The following ZNF76 variants were observed in gnomAD, a reference collection of about 807,000 sequenced individuals.
ZNF76 encodes zinc finger protein 76.
ZNF76 carries 66 observed loss-of-function variants against 66.9 expected under a neutral mutation model. That is an observed-to-expected ratio of 0.99 (90% CI 0.81 to 1.21). The LOEUF (loss-of-function observed/expected upper bound fraction) is 1.21, where lower values mean the gene tolerates loss of function less well. Among genes scored for constraint, ZNF76 ranks in the 50% most tolerant of loss-of-function variants. The pLI is 0.00. For missense variants in ZNF76, 729 were observed against 760.3 expected, an observed-to-expected ratio of 0.96 and a Z score of 0.48; for synonymous variants, 275 against 296.1, an observed-to-expected ratio of 0.93 and a Z score of 0.73.
rs536477063 is a variant in ZNF76, at chr6:35,261,261, G to C, written c.-97+1420G>C. Among the ~76,000 whole-genome samples the C allele has an allele frequency of 5.3e-5, 8 of 152,252 alleles. No homozygotes were observed. In the South Asian group the frequency reaches 1.7e-3, roughly 32 times the overall value. The stretch of plus-strand genomic sequence containing the variant: ...GGATCTTACTCTGTCCTGAGTGCTA[G>C]GGATTTAACAGACTGAACATGTGGC... On this transcript the variant is annotated intron_variant, in intron 1 of 13. Transcript: ENST00000373953.
At chr6:35,275,222 A>AG (rs1787709115) in intron 1 of ZNF76, among the ~76,000 whole-genome samples, 1 of 151,942 alleles carries the variant, frequency 6.6e-6, no homozygotes, top group Non-Finnish European at 1.5e-5. Context: ...GAGAGTCAAG[A>AG]GTGCTCCCTT....
intron 1 of ZNF76, among the ~76,000 whole-genome samples, chr6:35,274,613 C>T (rs903201872): frequency 6.6e-6 from 1 of 152,144 alleles, no homozygotes; most frequent in African/African-American, 2.4e-5. Flanking sequence ...TAGTCCCAGC[C>T]ACTCAGGAGG....
intron 1 of ZNF76, among the ~76,000 whole-genome samples, chr6:35,280,321 A>G (rs1391444857): frequency 6.6e-6 from 1 of 152,220 alleles, no homozygotes; most frequent in Non-Finnish European, 1.5e-5. Context: ...TGATGGAGCC[A>G]CTGCACTCCA....
chr6:35,287,660 A>T lies in ZNF76; in HGVS notation c.247A>T (p.Ser83Cys). The T allele has an allele frequency of 6.2e-7, 1 of 1,612,738 alleles. No homozygotes were observed. Among genetic ancestry groups the T allele is most frequent in the South Asian group, 1.1e-5 (1 of 90,890 alleles). Residue 83 changes from serine to cysteine, a missense_variant, in exon 5 of 14, where the codon AGC (serine) becomes TGC (cysteine). Physicochemically the swap from Ser to Cys is moderately radical, Grantham distance 112. Transcript: ENST00000373953. This position sits in a 1 kb window ranked among gnomAD's most constrained non-coding sequence, Gnocchi z 4.0. ...HRTPREGYDP[S>C]TLEAVQLEDG... ...GTTCCCTGCAGAAGGCTATGACCCC[A>T]GCACCCTGGAAGCCGTCCAACTGGA... is the stretch of plus-strand genomic sequence containing the variant.
chr6:35,290,698 G>A lies in ZNF76; in HGVS notation c.607G>A (p.Gly203Arg), dbSNP rs1251675617. 6.2e-7 allele frequency: 1 copy of A among 1,614,204 alleles called. No homozygotes were observed. The highest frequency in any genetic ancestry group is 1.1e-5 in the South Asian group (1 of 91,076). ...RPYRCDFPSC[G>R]KAFATGYGLK... ...ATACAGATGTGACTTCCCCAGCTGT[G>A]GAAAGGCCTTTGCCACAGGTAACCT... The change falls in exon 7 of 14, where the codon GGA (glycine) becomes AGA (arginine). Residue 203 changes from glycine to arginine, a missense_variant. Physicochemically the swap from Gly to Arg is moderately radical, Grantham distance 125 (BLOSUM62 -2). Transcript: ENST00000373953.
intron 1 of ZNF76, among the ~76,000 whole-genome samples, chr6:35,274,330 C>T (rs960824050): frequency 1.3e-5 from 2 of 152,216 alleles, no homozygotes; most frequent in Admixed American, 6.5e-5. Context: ...TACAGAAAGC[C>T]TTGTTCCAAC....
chr6:35,292,939 G>A lies in ZNF76; in HGVS notation c.1224G>A (p.Ser408=), dbSNP rs759624518. ...PPKRPRIAYL[S]EVKEERDDIP... ...AACGACCCCGGATAGCTTACCTTTC[G>A]GAGGTGAAGGAAGAGAGAGATGACA... The change falls in exon 11 of 14, where the codon TCG becomes TCA. Residue 408 remains serine (S), a synonymous_variant. Transcript: ENST00000373953. This position sits in a 1 kb window ranked among gnomAD's most constrained non-coding sequence, Gnocchi z 4.7. 37 of 1,614,196 alleles carry A rather than the reference G, an allele frequency of 2.3e-5. No individual in the cohort carries two copies. The highest frequency in any genetic ancestry group is 2.1e-5 in the Non-Finnish European group (25 of 1,180,038).
At chr6:35,294,366 C>T (rs1790874553) in intron 12 of ZNF76, 90 bp from the exon 13 acceptor site, 1 of 907,110 alleles carries the variant, frequency 1.1e-6, no homozygotes, top group Non-Finnish European at 1.8e-6. Flanking sequence ...TGGGTTGTTC[C>T]CAGCACCTTA....
chr6:35,290,507 A>T, intron 6 of ZNF76, 125 bp downstream of exon 6: 1 of 1,525,350 alleles, frequency 6.6e-7, no homozygotes, highest in African/African-American at 1.4e-5. Context: ...ATGAGGGTAC[A>T]CAGGAATGCC....
chr6:35,294,756 G>T, intron 13 of ZNF76, 187 bp downstream of exon 13: 1 of 648,402 alleles, frequency 1.5e-6, no homozygotes, highest in Non-Finnish European at 2.8e-6. Flanking sequence ...GAGGCAGAAT[G>T]TTGAAGCCTC....
intron 1 of ZNF76, among the ~76,000 whole-genome samples, chr6:35,264,252 T>C (rs1369957844): frequency 6.6e-6 from 1 of 152,248 alleles, no homozygotes; most frequent in Non-Finnish European, 1.5e-5. Flanking sequence ...TCCCTTGATT[T>C]AAACGTCGGT....
At chr6:35,261,128 A>T (rs1394074347) in intron 1 of ZNF76, among the ~76,000 whole-genome samples, 3 of 152,206 alleles carry the variant, frequency 2.0e-5, no homozygotes. Context: ...ACCTCTGCGA[A>T]GGGAGAAAAT....
At chr6:35,272,947 C>T (rs1027801874) in intron 1 of ZNF76, among the ~76,000 whole-genome samples, 1 of 151,956 alleles carries the variant, frequency 6.6e-6, no homozygotes, top group Admixed American at 6.5e-5. Flanking sequence ...TGAGGTCAGG[C>T]GTTCGAGACC....
chr6:35,284,165 C>T (rs1238601758), intron 2 of ZNF76, among the ~76,000 whole-genome samples: 1 of 151,824 alleles, frequency 6.6e-6, no homozygotes, highest in Non-Finnish European at 1.5e-5. Context: ...GATCTCGGCT[C>T]ACTGCAACCT....
chr6:35,286,046 T>C (rs1213563754), intron 2 of ZNF76, 82 bp from the exon 3 acceptor site: 1 of 1,330,294 alleles, frequency 7.5e-7, no homozygotes, highest in East Asian at 2.3e-5. Flanking sequence ...GAGACTCAAA[T>C]AAGCCTCAGC....
At chr6:35,293,656 C>A in intron 11 of ZNF76, 95 bp from the exon 12 acceptor site, 1 of 1,433,776 alleles carries the variant, frequency 7.0e-7, no homozygotes, top group Non-Finnish European at 9.5e-7. Flanking sequence ...AACTAATAAG[C>A]TGACCTTGTC....
At chr6:35,283,588 G>A (rs930230541) in intron 2 of ZNF76, among the ~76,000 whole-genome samples, 1 of 152,162 alleles carries the variant, frequency 6.6e-6, no homozygotes, top group African/African-American at 2.4e-5. Context: ...TCAGTCAGCT[G>A]TTCTCCCCAC....
In ZNF76 at chr6:35,290,387, G is replaced by A. The variant is rs747220272; in HGVS notation, c.549+5G>A. 8.1e-6 allele frequency: 13 copies of A among 1,613,432 alleles called. No individual in the cohort carries two copies. Among genetic ancestry groups the A allele is most frequent in the Non-Finnish European group, 1.1e-5 (13 of 1,179,468 alleles). ...ACCACCGCTCATCACTTAAAGGTAA[G>A]GTTGCTGGCAGACAGCCGTCAGCTC... On this transcript the variant is annotated splice_donor_5th_base_variant and intron_variant, in intron 6 of 13. Coordinates refer to ENST00000373953, the MANE Select transcript of ZNF76 (RefSeq NM_003427.5).
chr6:35,266,172 T>C (rs1786026800), intron 1 of ZNF76, among the ~76,000 whole-genome samples: 3 of 151,788 alleles, frequency 2.0e-5, no homozygotes, highest in South Asian at 2.1e-4. Flanking sequence ...TTTTTTTTTT[T>C]CAAGACATCT....
Sources: allele counts gnomAD v4.1 joint callset (sites outside exome capture counted in the v4.1 genomes callset), GRCh38; gene constraint gnomAD v4.1.1; non-coding constraint Gnocchi (gnomAD v3.1); transcripts MANE v1.5; gene names NCBI Gene and HGNC (gene_info 2026-07-23, HGNC 2026-07-21).